SORCS1: variants seen among roughly 807,000 people sequenced by gnomAD.
The protein encoded by SORCS1 is sortilin related VPS10 domain containing receptor 1, also known as VPS10 domain-containing receptor SorCS1.
SORCS1 carries 60 observed loss-of-function variants against 146.1 expected under a neutral mutation model. The observed-to-expected ratio is 0.41, with a 90% CI of 0.33 to 0.51. The LOEUF is 0.51. SORCS1 is among the 20% of genes least tolerant of loss of function. The pLI is 0.21. For synonymous variants in SORCS1, 637 were observed against 584.0 expected, an observed-to-expected ratio of 1.09 and a Z score of -1.31; for missense variants, 1,352 against 1,487.6, an observed-to-expected ratio of 0.91 and a Z score of 1.50.
chr10:107,134,946 C>T (rs970571667), intron 1 of SORCS1, among the ~76,000 whole-genome samples: 1 of 152,176 alleles, frequency 6.6e-6, no homozygotes, highest in Non-Finnish European at 1.5e-5. Flanking sequence ...GTGGGAATGA[C>T]ACTCATGCTT....
At chr10:106,842,745 C>G (rs561521662) in intron 2 of SORCS1, among the ~76,000 whole-genome samples, 29 of 152,004 alleles carry the variant, frequency 1.9e-4, no homozygotes, top group African/African-American at 6.3e-4. Flanking sequence ...TCCTGAGTAG[C>G]TGGGATTGCA....
rs1218832791 is a variant in SORCS1 at position 106,579,302 on chromosome 10, G to A, written c.3371+67C>T. The A allele has an allele frequency of 4.5e-5, 73 of 1,613,930 alleles. No individual in the cohort carries two copies. In the East Asian group the frequency reaches 1.6e-3, roughly 35 times the overall value. On this transcript the variant is annotated intron_variant, in intron 25 of 25. Coordinates refer to ENST00000263054, the MANE Select transcript of SORCS1 (RefSeq NM_052918.5). ...TGCTATGCACATCACTGTAACACAT[G>A]CTTCTGAACCTGTCAGGGAGAAGGA... is the stretch of plus-strand genomic sequence containing the variant.
the SORCS1 span, among the ~76,000 whole-genome samples, chr10:107,178,489 T>C: frequency 2.0e-5 from 3 of 149,120 alleles, no homozygotes. Flanking sequence ...AATTATTTTA[T>C]ATATATATAT....
At chr10:107,021,998 A>AG (rs1958171890) in intron 1 of SORCS1, among the ~76,000 whole-genome samples, 1 of 152,164 alleles carries the variant, frequency 6.6e-6, no homozygotes, top group African/African-American at 2.4e-5. Context: ...CTACTTGTGG[A>AG]GATCGCTCTG....
At chr10:106,904,778 T>C (rs1441376801) in intron 2 of SORCS1, among the ~76,000 whole-genome samples, 1 of 152,216 alleles carries the variant, frequency 6.6e-6, no homozygotes, top group African/African-American at 2.4e-5. Context: ...ATATTCCATC[T>C]AGACTAAGAG....
intron 24 of SORCS1, among the ~76,000 whole-genome samples, chr10:106,584,055 ATTC>A (rs2133221749): frequency 6.6e-6 from 1 of 152,296 alleles, no homozygotes; most frequent in Non-Finnish European, 1.5e-5. Context: ...ATACCTTGAT[ATTC>A]TTTTTTCCTC....
At chr10:106,962,269 C>G (rs1019438719) in intron 1 of SORCS1, among the ~76,000 whole-genome samples, 3 of 151,598 alleles carry the variant, frequency 2.0e-5, no homozygotes, top group African/African-American at 7.3e-5. Flanking sequence ...CATGGTGGTG[C>G]ATGCCTTCAT....
intron 1 of SORCS1, among the ~76,000 whole-genome samples, chr10:106,989,104 C>CAA (rs111258873): frequency 2.1e-4 from 23 of 109,360 alleles, no homozygotes; most frequent in African/African-American, 4.5e-4. Context: ...ACTAAAAATA[C>CAA]AAAAAAAAAA....
intron 2 of SORCS1, among the ~76,000 whole-genome samples, chr10:106,932,210 T>C (rs565214010): frequency 6.6e-6 from 1 of 152,244 alleles, no homozygotes; most frequent in South Asian, 2.1e-4. Flanking sequence ...AGTCTACAAA[T>C]ATATTATTAT....
At chr10:106,683,099 G>A (rs1478505410) in intron 10 of SORCS1, among the ~76,000 whole-genome samples, 2 of 152,200 alleles carry the variant, frequency 1.3e-5, no homozygotes, top group Admixed American at 1.3e-4. Context: ...CAACCATACA[G>A]AGTTTTTCAC....
In SORCS1 at chr10:106,620,528, A is replaced by C. The variant is rs1158479787; in HGVS notation, c.2696T>G (p.Phe899Cys). The change falls in exon 20 of 26, where the codon TTT becomes TGT. Residue 899 changes from phenylalanine to cysteine, a missense_variant. Phe to Cys is a radical substitution (Grantham distance 205). This residue lies in a region of SORCS1 where 648 missense variants were observed against 793.8 expected (regional missense o/e 0.82). Transcript: ENST00000263054. Reference protein sequence around the residue: ...PLEHVHLSLPFVTTKNKEVNA... With the variant: ...PLEHVHLSLPCVTTKNKEVNA... Reference sequence around the variant, plus strand: ...GACCTCTTTGTTCTTTGTGGTGACAAAGGGAAGAGACAGGTGCACGTGCTC... The same window carrying C: ...GACCTCTTTGTTCTTTGTGGTGACACAGGGAAGAGACAGGTGCACGTGCTC... The C allele has an allele frequency of 1.2e-6, 2 of 1,613,916 alleles. No homozygotes were observed. The highest frequency in any genetic ancestry group is 3.3e-5 in the Admixed American group (2 of 59,998).
intron 6 of SORCS1, among the ~76,000 whole-genome samples, chr10:106,714,578 G>C (rs1460555335): frequency 1.3e-5 from 2 of 152,124 alleles, no homozygotes; most frequent in Non-Finnish European, 2.9e-5. Flanking sequence ...TTTTTAAAAA[G>C]TAGGTTACCA....
intron 9 of SORCS1, among the ~76,000 whole-genome samples, chr10:106,697,325 T>C (rs1313130070): frequency 6.6e-6 from 1 of 151,888 alleles, no homozygotes; most frequent in African/African-American, 2.4e-5. Flanking sequence ...TAGCCGGGCA[T>C]GGTAGTGGGA....
At chr10:106,840,861 ATATT>A (rs1277499982) in intron 2 of SORCS1, among the ~76,000 whole-genome samples, 5 of 121,704 alleles carry the variant, frequency 4.1e-5, no homozygotes, top group East Asian at 5.0e-4. Context: ...ATATATATAT[ATATT>A]TTTTTTTTTT....
chr10:106,990,737 A>T (rs866449052), intron 1 of SORCS1, among the ~76,000 whole-genome samples: 20 of 152,236 alleles, frequency 1.3e-4, no homozygotes, highest in South Asian at 4.1e-4. Context: ...TTCTACCTGC[A>T]TCGCATTTAC....
chr10:107,084,434 C>G (rs1453093348), intron 1 of SORCS1, among the ~76,000 whole-genome samples: 1 of 151,908 alleles, frequency 6.6e-6, no homozygotes, highest in African/African-American at 2.4e-5. Flanking sequence ...AAGAACTATA[C>G]TATTTCTCAG....
intron 17 of SORCS1, among the ~76,000 whole-genome samples, chr10:106,657,343 A>G (rs1056990238): frequency 2.0e-5 from 3 of 152,180 alleles, no homozygotes; most frequent in Non-Finnish European, 2.9e-5. Context: ...TTCTATATGA[A>G]GTAACTCAGG....
intron 2 of SORCS1, among the ~76,000 whole-genome samples, chr10:106,840,667 A>G (rs1332910839): frequency 6.6e-6 from 1 of 152,012 alleles, no homozygotes; most frequent in Non-Finnish European, 1.5e-5. Flanking sequence ...TGCTACAGAG[A>G]AATTTTTCAT....
chr10:107,070,220 A>AT (rs1459767222), intron 1 of SORCS1, among the ~76,000 whole-genome samples: 2 of 152,022 alleles, frequency 1.3e-5, no homozygotes, highest in Non-Finnish European at 2.9e-5. Context: ...TTGTTCCCAC[A>AT]TTTTTCCTAG....
Sources: gnomAD v4.1 joint callset for allele counts (sites outside exome capture counted in the v4.1 genomes callset) on GRCh38, gnomAD v4.1.1 for gene constraint, gnomAD v4.1.1 regional missense constraint, MANE v1.5 for transcripts, NCBI Gene and HGNC (gene_info 2026-07-23, HGNC 2026-07-21) for gene names.